The following EVC2 variants were observed in gnomAD, a reference collection of about 807,000 sequenced individuals.
EVC2 encodes EvC ciliary complex subunit 2.
EVC2 carries 148 observed loss-of-function variants against 149.3 expected under a neutral mutation model. That is an observed-to-expected ratio of 0.99 (90% CI 0.87 to 1.14). The LOEUF (loss-of-function observed/expected upper bound fraction) is 1.14. Among genes scored for constraint, EVC2 ranks in the 50% most tolerant of loss-of-function variants. EVC2 has a pLI of 0.00. For synonymous variants in EVC2, 776 were observed against 649.9 expected, an observed-to-expected ratio of 1.19 and a Z score of -2.95; for missense variants, 1,854 against 1,627.3, an observed-to-expected ratio of 1.14 and a Z score of -2.40.
chr4:5,618,685 G>C lies in EVC2; in HGVS notation c.2502-3C>G, dbSNP rs755318581. 3.1e-6 allele frequency: 5 copies of C among 1,587,472 alleles called. No homozygotes were observed. The highest frequency in any genetic ancestry group is 3.6e-5 in the Admixed American group (2 of 56,114). ...AGAAGACTGAGGAGCAGAGCTTCCT[G>C]GGAGGAAGAACAGAGACACACTCTT... On this transcript the variant is annotated splice_region_variant and splice_polypyrimidine_tract_variant and intron_variant, in intron 14 of 21. Transcript: ENST00000344408. The surrounding 1 kb of genome is among the most constrained non-coding windows in gnomAD (Gnocchi z 4.4).
chr4:5,618,564 G>A lies in EVC2; in HGVS notation c.2620C>T (p.Arg874Ter), dbSNP rs760382778. The change falls in exon 15 of 22, where the codon CGA (arginine) becomes TGA (stop). Residue 874 changes from arginine (R) to a stop codon, truncating the protein, a stop_gained. Transcript: ENST00000344408. LOFTEE classifies it high-confidence loss of function. The surrounding 1 kb of genome is among the most constrained non-coding windows in gnomAD (Gnocchi z 4.4). Reference sequence around the variant, plus strand: ...GTCTGAAATTGCTGCAGCAGAACTCGGGCCCGGATCTTGGGGAGGGCCAAG... The same window carrying A: ...GTCTGAAATTGCTGCAGCAGAACTCAGGCCCGGATCTTGGGGAGGGCCAAG... The part of the protein sequence containing the change: ...RSLALPKIRA[R>*]VLLQQFQTAW... The A allele has an allele frequency of 1.5e-5, 24 of 1,614,034 alleles. No individual in the cohort carries two copies. The highest frequency in any genetic ancestry group is 2.7e-5 in the African/African-American group (2 of 74,922).
intron 16 of EVC2, among the ~76,000 whole-genome samples, chr4:5,603,702 A>C (rs1050687300): frequency 6.6e-6 from 1 of 152,212 alleles, no homozygotes; most frequent in African/African-American, 2.4e-5. Context: ...TGAAATCTGG[A>C]AACAGTGAAT....
intron 14 of EVC2, among the ~76,000 whole-genome samples, chr4:5,619,726 A>T (rs1175554435): frequency 6.6e-6 from 1 of 152,212 alleles, no homozygotes; most frequent in East Asian, 1.9e-4. Context: ...CTTTCCAGCA[A>T]GGCCCACAGC....
intron 4 of EVC2, 123 bp downstream of exon 4, chr4:5,691,142 G>A (rs1721090172): frequency 7.4e-6 from 6 of 809,860 alleles, no homozygotes; most frequent in Non-Finnish European, 2.1e-6. Context: ...CATTGCTCAT[G>A]TGTCTAGACT....
At chr4:5,599,037 G>C (rs1312196380) in intron 16 of EVC2, among the ~76,000 whole-genome samples, 5 of 152,054 alleles carry the variant, frequency 3.3e-5, no homozygotes, top group Admixed American at 6.5e-5. Context: ...TCTCACACCA[G>C]TTAGAATGGC....
chr4:5,697,687 A>G, intron 1 of EVC2, 40 bp from the exon 2 acceptor site: 1 of 1,546,400 alleles, frequency 6.5e-7, no homozygotes, highest in Non-Finnish European at 8.9e-7. Flanking sequence ...TGGAACACAT[A>G]CTTCTGAGAA....
upstream of EVC2, chr4:5,708,758 G>T (rs1404058216): frequency 7.2e-6 from 3 of 416,768 alleles, no homozygotes. Flanking sequence ...CGCCCAAACC[G>T]AATCAGAGCG....
chr4:5,603,435 C>T (rs1253759837), intron 16 of EVC2, among the ~76,000 whole-genome samples: 1 of 152,196 alleles, frequency 6.6e-6, no homozygotes, highest in African/African-American at 2.4e-5. Context: ...AACATGCCTT[C>T]TTTTCTGAGC....
chr4:5,584,992 G>A, intron 16 of EVC2, 142 bp from the exon 17 acceptor site: 1 of 885,944 alleles, frequency 1.1e-6, no homozygotes, highest in Non-Finnish European at 1.8e-6. Flanking sequence ...CTGGGAACCT[G>A]CAGGGAGCAA....
intron 9 of EVC2, among the ~76,000 whole-genome samples, chr4:5,653,629 T>C (rs1718297798): frequency 6.6e-6 from 1 of 152,202 alleles, no homozygotes; most frequent in Non-Finnish European, 1.5e-5. Flanking sequence ...GAACAGACTG[T>C]GAACTTTAGC....
Position 5,640,785 on chromosome 4 carries a change from G to A in EVC2, c.1199C>T (p.Thr400Ile), listed in dbSNP as rs765142983. Reference protein sequence around the residue: ...RADADLEACRTQISKDIIALL... With the variant: ...RADADLEACRIQISKDIIALL... ...GGCAATGATATCCTTGCTGATTTGT[G>A]TTCGACAAGCCTCCAGATCTGCATC... Residue 400 changes from threonine to isoleucine, a missense_variant, in exon 10 of 22, where the codon ACA becomes ATA. Thr to Ile is a moderately conservative substitution (Grantham distance 89, BLOSUM62 -1). Coordinates refer to ENST00000344408, the MANE Select transcript of EVC2 (RefSeq NM_147127.5). The surrounding 1 kb of genome is among the most constrained non-coding windows in gnomAD (Gnocchi z 4.6). 6 of 1,614,158 alleles carry A rather than the reference G, an allele frequency of 3.7e-6. No homozygotes were observed. Among genetic ancestry groups the A allele is most frequent in the Non-Finnish European group, 4.2e-6 (5 of 1,180,030 alleles).
chr4:5,539,244 A>G (rs954977083), downstream of EVC2, among the ~76,000 whole-genome samples: 1 of 152,220 alleles, frequency 6.6e-6, no homozygotes, highest in Non-Finnish European at 1.5e-5. Context: ...TGACAAAAGT[A>G]CACTGAAACC....
intron 9 of EVC2, among the ~76,000 whole-genome samples, chr4:5,652,560 C>T (rs186975173): frequency 1.3e-5 from 2 of 152,280 alleles, no homozygotes; most frequent in East Asian, 3.9e-4. Flanking sequence ...AAACGGTAGG[C>T]AGCTGTGCCA....
chr4:5,633,167 A>G lies in EVC2; in HGVS notation c.1471-1135T>C, dbSNP rs1014423496. ...GCCAGGCTGTAAACTGTCTCCGCAG[A>G]AGGGAAACTTCTAGGAGCTGAGGGC... is the stretch of plus-strand genomic sequence containing the variant. On this transcript the variant is annotated intron_variant, in intron 10 of 21. Transcript: ENST00000344408. This position sits in a 1 kb window ranked among gnomAD's most constrained non-coding sequence, Gnocchi z 4.4. Among the ~76,000 whole-genome samples, 2 of 152,212 alleles carry G rather than the reference A, an allele frequency of 1.3e-5. No homozygotes were observed. The highest frequency in any genetic ancestry group is 4.8e-5 in the African/African-American group (2 of 41,452).
chr4:5,695,089 C>T (rs1459388659), intron 2 of EVC2, among the ~76,000 whole-genome samples: 2 of 152,088 alleles, frequency 1.3e-5, no homozygotes, highest in African/African-American at 2.4e-5. Context: ...GCAGCTGACA[C>T]CTGTAATCCT....
chr4:5,562,887 C>CA lies in EVC2; in HGVS notation c.3887dup (p.Leu1296PhefsTer41). On this transcript the variant is annotated frameshift_variant, in exon 22 of 22. Coordinates refer to ENST00000344408, the MANE Select transcript of EVC2 (RefSeq NM_147127.5). LOFTEE classifies it high-confidence loss of function. The surrounding 1 kb of genome is among the most constrained non-coding windows in gnomAD (Gnocchi z 4.3). ...AGGCCCTCATGGCCTTTTTGGCATT[C>CA]AAAAAGTTCTTCTTTTTCCTGGGAG... 1 of 1,614,152 alleles carries CA rather than the reference C, an allele frequency of 6.2e-7. No individual in the cohort carries two copies. The highest frequency in any genetic ancestry group is 8.5e-7 in the Non-Finnish European group (1 of 1,180,026).
Position 5,665,611 on chromosome 4 carries a change from G to A in EVC2, c.909C>T (p.Phe303=). 1 of 1,614,250 alleles carries A rather than the reference G, an allele frequency of 6.2e-7. No homozygotes were observed. The highest frequency in any genetic ancestry group is 8.5e-7 in the Non-Finnish European group (1 of 1,180,036). Residue 303 remains phenylalanine (F), a synonymous_variant, in exon 8 of 22, where the codon TTC becomes TTT. Transcript: ENST00000344408. ...PHHGLHAAGF[F]IAFLLSLVLT... is the part of the protein sequence containing the mutation. ...GCACAAGGGAGAGGAGGAAGGCAAT[G>A]AAGAACCCTGCTGCGTGGAGGCCGT... is the stretch of plus-strand genomic sequence containing the variant.
chr4:5,629,529 T>A (rs1330548498), intron 11 of EVC2, among the ~76,000 whole-genome samples: 3 of 152,238 alleles, frequency 2.0e-5, no homozygotes, highest in Non-Finnish European at 4.4e-5. Flanking sequence ...ACTGGCTTCG[T>A]TGTCCTTTTT....
Position 5,584,662 on chromosome 4 carries a change from G to A in EVC2, c.3018C>T (p.Thr1006=). 6.2e-7 allele frequency: 1 copy of A among 1,613,876 alleles called. No homozygotes were observed. Among genetic ancestry groups the A allele is most frequent in the Non-Finnish European group, 8.5e-7 (1 of 1,179,916 alleles). The change falls in exon 17 of 22, where the codon ACC becomes ACT. Residue 1006 remains threonine, a synonymous_variant. Transcript: ENST00000344408. ...CCAGGATCTGTGTGCAGGCCGACTT[G>A]GTCAGCATCTCAGATGCACTCAGCT... The part of the protein sequence containing the change: ...LEELSASEML[T]KSACTQILES...
Sources: allele counts gnomAD v4.1 joint callset (sites outside exome capture counted in the v4.1 genomes callset), GRCh38; gene constraint gnomAD v4.1.1; non-coding constraint Gnocchi (gnomAD v3.1); transcripts MANE v1.5; gene names NCBI Gene and HGNC (gene_info 2026-07-23, HGNC 2026-07-21).